The following CCDC175 variants were observed in gnomAD, a reference collection of about 807,000 sequenced individuals.
The protein encoded by CCDC175 is coiled-coil domain containing 175.
CCDC175 carries 100 observed loss-of-function variants against 114.6 expected under a neutral mutation model. The observed-to-expected ratio is 0.87, with a 90% CI of 0.74 to 1.03. CCDC175 has a LOEUF of 1.03. Ranked by LOEUF, CCDC175 falls within the 50% of genes least tolerant of loss-of-function variation. The probability of loss-of-function intolerance (pLI) is 0.00; values close to 1 mark genes in which losing one functional copy is unlikely to be tolerated. For synonymous variants in CCDC175, 306 were observed against 308.7 expected, an observed-to-expected ratio of 0.99 and a Z score of 0.09; for missense variants, 880 against 917.8, an observed-to-expected ratio of 0.96 and a Z score of 0.53.
intron 9 of CCDC175, 52 bp downstream of exon 9, chr14:59,545,111 A>G: frequency 6.7e-7 from 1 of 1,492,816 alleles, no homozygotes; most frequent in Non-Finnish European, 8.9e-7. Flanking sequence ...ATAGCAAGAA[A>G]AGCACCCCAT....
chr14:59,510,659 T>C lies in CCDC175; in HGVS notation c.2292A>G (p.Pro764=), dbSNP rs1307349382. The change falls in exon 19 of 20, where the codon CCA becomes CCG. Residue 764 remains proline, a synonymous_variant. Transcript: ENST00000537690. The part of the protein sequence containing the change: ...GLRLLVEQES[P]MDLLKKKKHI... The stretch of plus-strand genomic sequence containing the variant: ...GCTGTTGCTTACTAAGAAGGTCCAT[T>C]GGTGATTCCTGTTCCACAAGCAAAC... The C allele has an allele frequency of 2.6e-6, 4 of 1,537,208 alleles. No individual in the cohort carries two copies. The highest frequency in any genetic ancestry group is 3.5e-6 in the Non-Finnish European group (4 of 1,146,854).
chr14:59,522,548 T>C (rs976313352), intron 16 of CCDC175, among the ~76,000 whole-genome samples: 3 of 152,212 alleles, frequency 2.0e-5, no homozygotes, highest in Admixed American at 1.3e-4. Context: ...AGCTGGACTC[T>C]TGTGCTTCTC....
Position 59,545,271 on chromosome 14 carries a change from A to T in CCDC175, c.1064T>A (p.Met355Lys). ...TTTCTCTCGTAGGTCTTTGTATTCC[A>T]TACGAGCAGCATGCAGTGTTTCAAC... ...QLVETLHAARMEYKDLREKMK... is the reference protein window; with the variant it reads ...QLVETLHAARKEYKDLREKMK... Residue 355 changes from methionine (M) to lysine (K), a missense_variant, in exon 9 of 20, where the codon ATG becomes AAG. Transcript: ENST00000537690. 1.3e-6 allele frequency: 2 copies of T among 1,536,928 alleles called. No homozygotes were observed. The highest frequency in any genetic ancestry group is 1.7e-6 in the Non-Finnish European group (2 of 1,146,712).
At chr14:59,517,216 C>G (rs577143635) in intron 17 of CCDC175, among the ~76,000 whole-genome samples, 3 of 152,146 alleles carry the variant, frequency 2.0e-5, no homozygotes, top group Non-Finnish European at 4.4e-5. Context: ...CAATATCATA[C>G]TGAATGGGCA....
At chr14:59,557,707 C>T (rs1037783274) in intron 7 of CCDC175, among the ~76,000 whole-genome samples, 1 of 151,504 alleles carries the variant, frequency 6.6e-6, no homozygotes, top group Non-Finnish European at 1.5e-5. Context: ...CCCATCTCCC[C>T]ATATAACATA....
At chr14:59,568,637 G>A (rs1250312367) in intron 3 of CCDC175, among the ~76,000 whole-genome samples, 2 of 152,060 alleles carry the variant, frequency 1.3e-5, no homozygotes, top group East Asian at 1.9e-4. Flanking sequence ...ATTCCCGCCC[G>A]TTCCATGCAC....
intron 3 of CCDC175, among the ~76,000 whole-genome samples, chr14:59,570,894 A>G (rs1020677181): frequency 6.6e-6 from 1 of 152,050 alleles, no homozygotes; most frequent in Non-Finnish European, 1.5e-5. Context: ...ATGCGCCACC[A>G]CGCCTGGCTA....
Position 59,521,645 on chromosome 14 carries a change from T to A in CCDC175, c.2027A>T (p.Lys676Ile). Residue 676 changes from lysine to isoleucine, a missense_variant, in exon 17 of 20, where the codon AAA becomes ATA. By Grantham distance (102) the Lys-to-Ile change is moderately radical (BLOSUM62 -3). Transcript: ENST00000537690. ...GAGGGCTTCTTGTCCTTCTCTGTAT[T>A]TCTCTATGTTATTCTTCAAGTATAA... ...YILYLKNNIE[K>I]YREGQEALMH... 1.3e-6 allele frequency: 2 copies of A among 1,532,778 alleles called. No individual in the cohort carries two copies. Among genetic ancestry groups the A allele is most frequent in the Non-Finnish European group, 1.7e-6 (2 of 1,142,860 alleles). The allele number at this position is 1,532,778 out of a possible 1,614,324, so 94.9% of individuals were successfully genotyped here. A position where few individuals can be genotyped will look rare whatever the true frequency, so the allele number is the denominator to read the frequency against.
chr14:59,546,000 G>A (rs549171319), intron 8 of CCDC175, among the ~76,000 whole-genome samples: 10 of 152,218 alleles, frequency 6.6e-5, no homozygotes, highest in South Asian at 2.1e-4. Flanking sequence ...TTAATCTACC[G>A]AAAGGATACC....
intron 17 of CCDC175, 148 bp downstream of exon 17, chr14:59,521,426 A>G: frequency 1.8e-6 from 1 of 543,446 alleles, no homozygotes; most frequent in Non-Finnish European, 3.2e-6. Flanking sequence ...CTTGCTCCTC[A>G]ACTTGCAGAA....
intron 17 of CCDC175, among the ~76,000 whole-genome samples, chr14:59,519,829 C>T (rs78818286): frequency 0.12 from 17,720 of 152,200 alleles, 1,189 homozygotes; most frequent in African/African-American, 0.18. Context: ...GGTCATAAGA[C>T]GCCATGAACT....
At chr14:59,530,464 G>C (rs528107532) in intron 14 of CCDC175, among the ~76,000 whole-genome samples, 1 of 141,410 alleles carries the variant, frequency 7.1e-6, no homozygotes, top group Non-Finnish European at 1.5e-5. Flanking sequence ...GAGAGGAGGG[G>C]AGGGGAGGGG....
At chr14:59,528,317 G>A (rs1893868548) in intron 14 of CCDC175, among the ~76,000 whole-genome samples, 1 of 151,944 alleles carries the variant, frequency 6.6e-6, no homozygotes, top group Non-Finnish European at 1.5e-5. Context: ...ACACTAATAT[G>A]GCTTAGTCTT....
chr14:59,510,564 T>C (rs567780554), intron 19 of CCDC175, 82 bp downstream of exon 19: 3 of 1,388,314 alleles, frequency 2.2e-6, no homozygotes, highest in Non-Finnish European at 3.0e-6. Flanking sequence ...AGTTGACACG[T>C]TTTTTCTTCT....
chr14:59,519,442 A>T (rs1893300318), intron 17 of CCDC175, among the ~76,000 whole-genome samples: 1 of 152,250 alleles, frequency 6.6e-6, no homozygotes, highest in Admixed American at 6.5e-5. Context: ...GGAAACAAAA[A>T]GTACTACCTT....
chr14:59,568,485 GT>G (rs1173332408), intron 3 of CCDC175, 105 bp from the exon 4 acceptor site: 8 of 901,514 alleles, frequency 8.9e-6, no homozygotes, highest in South Asian at 2.0e-5. Flanking sequence ...TTTTAATAAT[GT>G]TTTTTATCAA....
rs1344705369 is a variant in CCDC175, at chr14:59,576,700, G to A, written c.76C>T (p.Pro26Ser). Reference protein sequence around the residue: ...LVQAAAVSTGPSLELCTLPST... With the variant: ...LVQAAAVSTGSSLELCTLPST... ...GGTAAGGTGCATAACTCCAGGGAGG[G>A]GCCAGTGGAGACGGCAGCCGCCTGC... Residue 26 changes from proline (P) to serine (S), a missense_variant, in exon 1 of 20, where the codon CCC becomes TCC. Physicochemically the swap from Pro to Ser is moderately conservative, Grantham distance 74. Coordinates refer to ENST00000537690, the MANE Select transcript of CCDC175 (RefSeq NM_001164399.2). The A allele has an allele frequency of 1.4e-5, 21 of 1,487,014 alleles. No homozygotes were observed. In the East Asian group the frequency reaches 5.9e-4, roughly 42 times the overall value. The allele number at this position is 1,487,014 out of a possible 1,614,324, so 92.1% of individuals were successfully genotyped here. A position where few individuals can be genotyped will look rare whatever the true frequency, so the allele number is the denominator to read the frequency against.
intron 10 of CCDC175, 51 bp from the exon 11 acceptor site, chr14:59,540,797 T>C (rs1228334790): frequency 6.5e-6 from 9 of 1,383,942 alleles, no homozygotes; most frequent in Admixed American, 4.4e-5. Flanking sequence ...TGTTAGAATA[T>C]ACAATAGACT....
chr14:59,527,739 C>T (rs1440030931), intron 14 of CCDC175, among the ~76,000 whole-genome samples: 2 of 152,024 alleles, frequency 1.3e-5, no homozygotes, highest in South Asian at 2.1e-4. Context: ...ACTGTACAAC[C>T]TTTCAAATTT....
Sources: allele counts gnomAD v4.1 joint callset (sites outside exome capture counted in the v4.1 genomes callset), GRCh38; gene constraint gnomAD v4.1.1; transcripts MANE v1.5; gene names NCBI Gene and HGNC (gene_info 2026-07-23, HGNC 2026-07-21).